The following AP3B1 variants were observed in gnomAD, a reference collection of about 807,000 sequenced individuals.
AP3B1 encodes adaptor related protein complex 3 subunit beta 1, also known as AP-3 complex subunit beta-1.
In AP3B1, 61 loss-of-function variants were observed where a neutral mutation model predicts 132.5. That is an observed-to-expected ratio of 0.46 (90% CI 0.37 to 0.57). The LOEUF (loss-of-function observed/expected upper bound fraction) is 0.57. AP3B1 is among the 20% of genes least tolerant of loss of function. The pLI is 0.00. For missense variants in AP3B1, 1,120 were observed against 1,289.4 expected (o/e 0.87, Z 2.01); for synonymous variants, 388 against 438.3 (o/e 0.89, Z 1.43).
rs70997970 is a variant in AP3B1, at chr5:78,166,117, TCACACACACACACACACACACACACA to T, written c.1168-471_1168-446del. ...CCTGGGAAACAAGACTGAAACTCTG[TCACACACACACACACACACACACACA>T]CACACACACACACACACACACACAC... On this transcript the variant is annotated intron_variant, in intron 11 of 26. Transcript: ENST00000255194. Among the ~76,000 whole-genome samples the T allele has an allele frequency of 3.3e-4, 45 of 135,922 alleles. 1 individual carries two copies. In the East Asian group the frequency reaches 7.1e-3, roughly 22 times the overall value. 89.2% of individuals were successfully genotyped at this position (135,922 alleles called of 152,430 possible). A position where few individuals can be genotyped will look rare whatever the true frequency, so the allele number is the denominator to read the frequency against.
chr5:78,159,052 G>C (rs1743281208), intron 13 of AP3B1, among the ~76,000 whole-genome samples: 1 of 152,050 alleles, frequency 6.6e-6, no homozygotes, highest in Admixed American at 6.6e-5. Flanking sequence ...GGAAAGCAAA[G>C]GTAAATCAGA....
intron 22 of AP3B1, among the ~76,000 whole-genome samples, chr5:78,072,330 A>G (rs1749574017): frequency 6.6e-6 from 1 of 152,248 alleles, no homozygotes; most frequent in Admixed American, 6.5e-5. Flanking sequence ...AATGATATAA[A>G]ACAAAAATTC....
chr5:78,175,678 A>C lies in AP3B1; in HGVS notation c.1115T>G (p.Leu372Arg), dbSNP rs1379674814. Reference sequence around the variant, plus strand: ...AGTTGACCTAACATAGAAACTCTTCAGATAAGGTTCAAACATCCCCTGGAT... The same window carrying C: ...AGTTGACCTAACATAGAAACTCTTCCGATAAGGTTCAAACATCCCCTGGAT... The part of the protein sequence containing the change: ...IQRKGMFEPY[L>R]KSFYVRSTDP... Residue 372 changes from leucine (L) to arginine (R), a missense_variant, in exon 11 of 27, where the codon CTG becomes CGG. By Grantham distance (102) the Leu-to-Arg change is moderately radical. Coordinates refer to ENST00000255194, the MANE Select transcript of AP3B1 (RefSeq NM_003664.5). The C allele has an allele frequency of 1.2e-6, 2 of 1,613,384 alleles. No homozygotes were observed. Among genetic ancestry groups the C allele is most frequent in the Non-Finnish European group, 1.7e-6 (2 of 1,179,634 alleles).
chr5:78,142,516 ATAG>A (rs1184274530), intron 14 of AP3B1, among the ~76,000 whole-genome samples: 4 of 152,184 alleles, frequency 2.6e-5, no homozygotes, highest in African/African-American at 4.8e-5. Context: ...ATGGCTATAC[ATAG>A]TAGGATTGTT....
chr5:78,097,266 C>T (rs1278590365), intron 21 of AP3B1, among the ~76,000 whole-genome samples: 5 of 113,468 alleles, frequency 4.4e-5, no homozygotes, highest in Non-Finnish European at 7.5e-5. Flanking sequence ...CGGCCAGCCA[C>T]CCCGTCCGGG....
chr5:78,118,034 C>T (rs185559898), intron 17 of AP3B1, among the ~76,000 whole-genome samples: 2 of 152,240 alleles, frequency 1.3e-5, no homozygotes, highest in African/African-American at 4.8e-5. Context: ...TTTCTCAGCA[C>T]TGAATGTACA....
Position 78,162,969 on chromosome 5 carries a change from A to G in AP3B1, c.1231-18T>C. The G allele has an allele frequency of 6.2e-7, 1 of 1,611,430 alleles. No homozygotes were observed. Among genetic ancestry groups the G allele is most frequent in the Non-Finnish European group, 8.5e-7 (1 of 1,178,028 alleles). ...ACATAGGTCTAAAAGATATTATTTCAATTAGTTTACACACTGGTATTATTG... is the reference window on the plus strand; with the variant it reads ...ACATAGGTCTAAAAGATATTATTTCGATTAGTTTACACACTGGTATTATTG... On this transcript the variant is annotated intron_variant, in intron 12 of 26. Transcript: ENST00000255194.
chr5:78,119,903 T>C (rs1238712155), intron 17 of AP3B1, among the ~76,000 whole-genome samples: 1 of 152,050 alleles, frequency 6.6e-6, no homozygotes, highest in African/African-American at 2.4e-5. Flanking sequence ...TTCACCAAAC[T>C]TGAAATGAAG....
At chr5:78,081,484 T>G (rs1014161209) in intron 22 of AP3B1, among the ~76,000 whole-genome samples, 1 of 151,944 alleles carries the variant, frequency 6.6e-6, no homozygotes, top group Non-Finnish European at 1.5e-5. Context: ...ATTTTTTTTG[T>G]ATTTTTAGTA....
chr5:78,115,798 C>T (rs1224169719), intron 18 of AP3B1, among the ~76,000 whole-genome samples: 1 of 151,942 alleles, frequency 6.6e-6, no homozygotes, highest in African/African-American at 2.4e-5. Context: ...TTTAAAGACC[C>T]CACTAAAAGT....
At chr5:78,262,549 G>T (rs1345516002) in intron 2 of AP3B1, among the ~76,000 whole-genome samples, 1 of 152,110 alleles carries the variant, frequency 6.6e-6, no homozygotes, top group African/African-American at 2.4e-5. Context: ...TTACGTCAGG[G>T]TTGATTTCTG....
intron 22 of AP3B1, among the ~76,000 whole-genome samples, chr5:78,060,741 C>A (rs959990965): frequency 6.6e-6 from 1 of 151,740 alleles, no homozygotes; most frequent in South Asian, 2.1e-4. Context: ...ACATTCCATC[C>A]ATGCTTATTA....
At chr5:78,166,616 T>G (rs541262861) in intron 11 of AP3B1, among the ~76,000 whole-genome samples, 3 of 151,998 alleles carry the variant, frequency 2.0e-5, no homozygotes, top group Non-Finnish European at 2.9e-5. Context: ...CACAAAAAAA[T>G]AGAAGAGACA....
intron 22 of AP3B1, among the ~76,000 whole-genome samples, chr5:78,055,842 T>C (rs1748790827): frequency 6.6e-6 from 1 of 152,202 alleles, no homozygotes; most frequent in Non-Finnish European, 1.5e-5. Flanking sequence ...ATTAGAATTG[T>C]CTTTAAAATA....
At chr5:78,095,240 G>A (rs977736489) in intron 21 of AP3B1, among the ~76,000 whole-genome samples, 7 of 152,166 alleles carry the variant, frequency 4.6e-5, no homozygotes, top group African/African-American at 1.7e-4. Flanking sequence ...TTTCCTGAAT[G>A]AAGAAATGAA....
intron 2 of AP3B1, among the ~76,000 whole-genome samples, chr5:78,262,675 A>G (rs1470685514): frequency 1.4e-5 from 2 of 145,824 alleles, no homozygotes; most frequent in Admixed American, 1.4e-4. Flanking sequence ...GAGACATTCA[A>G]TTTTGTTCTT....
chr5:78,242,132 TGTCTG>T (rs1460207649), intron 2 of AP3B1, among the ~76,000 whole-genome samples: 1 of 152,234 alleles, frequency 6.6e-6, no homozygotes, highest in African/African-American at 2.4e-5. Flanking sequence ...AGCTTCTGAC[TGTCTG>T]GAGTCCAAAT....
chr5:78,118,332 C>T (rs1751958431), intron 17 of AP3B1, among the ~76,000 whole-genome samples: 1 of 152,148 alleles, frequency 6.6e-6, no homozygotes, highest in South Asian at 2.1e-4. Flanking sequence ...GAGTGCCAGA[C>T]AGTGGGTGCA....
In AP3B1 at chr5:78,270,339, A is replaced by C. The variant is rs576331417; in HGVS notation, c.129-2744T>G. Among the ~76,000 whole-genome samples the C allele has an allele frequency of 2.0e-5, 3 of 152,286 alleles. No individual in the cohort carries two copies. In the East Asian group the frequency reaches 5.8e-4, roughly 29 times the overall value. ...TTTGAGAGCCCCACACTACAAAGTT[A>C]CCTTCTTTTTCCTCAAAATTATGGT... On this transcript the variant is annotated intron_variant, in intron 1 of 26. Coordinates refer to ENST00000255194, the MANE Select transcript of AP3B1 (RefSeq NM_003664.5).
Sources: allele counts gnomAD v4.1 joint callset (sites outside exome capture counted in the v4.1 genomes callset), GRCh38; gene constraint gnomAD v4.1.1; transcripts MANE v1.5; gene names NCBI Gene and HGNC (gene_info 2026-07-23, HGNC 2026-07-21).